AGBL4: variants seen among roughly 807,000 people sequenced by gnomAD.
AGBL4 encodes AGBL carboxypeptidase 4.
Under a neutral mutation model 66.4 loss-of-function variants are expected in AGBL4, and 58 were observed. The observed-to-expected ratio is 0.87, with a 90% CI of 0.71 to 1.09. The LOEUF is 1.09. Ranked by LOEUF, AGBL4 falls within the 50% of genes least tolerant of loss-of-function variation. AGBL4 has a pLI of 0.00. For missense variants in AGBL4, 579 were observed against 631.0 expected (o/e 0.92, Z 0.88); for synonymous variants, 234 against 222.9 (o/e 1.05, Z -0.44).
intron 4 of AGBL4, among the ~76,000 whole-genome samples, chr1:49,071,984 T>A (rs1644614240): frequency 6.6e-6 from 1 of 152,210 alleles, no homozygotes; most frequent in African/African-American, 2.4e-5. Flanking sequence ...AATTGATCCC[T>A]TTACCATTAT....
At chr1:49,137,568 A>G (rs1646035871) in intron 4 of AGBL4, among the ~76,000 whole-genome samples, 1 of 152,176 alleles carries the variant, frequency 6.6e-6, no homozygotes, top group South Asian at 2.1e-4. Context: ...AATACTTATG[A>G]TCTGCCAATA....
In AGBL4 at chr1:48,977,032, A is replaced by G. The variant is rs572592281; in HGVS notation, c.594+68552T>C. ...TGTTTTCTACAGTGTCCCTAAACCA[A>G]TACTGTCCCTAGTGTGCCTGGCACA... is the stretch of plus-strand genomic sequence containing the variant. On this transcript the variant is annotated intron_variant, in intron 5 of 13. Transcript: ENST00000371839. 3.6e-3 allele frequency among the ~76,000 whole-genome samples: 555 copies of G among 152,202 alleles called. 3 individuals are homozygous for G. The highest frequency in any genetic ancestry group is 0.013 in the African/African-American group (539 of 41,528).
In AGBL4 at chr1:48,675,814, T is replaced by C. The variant is rs560038745; in HGVS notation, c.635-12573A>G. 2.6e-5 allele frequency among the ~76,000 whole-genome samples: 4 copies of C among 152,346 alleles called. No individual in the cohort carries two copies. In the East Asian group the frequency reaches 7.7e-4, roughly 29 times the overall value. Reference sequence around the variant, plus strand: ...AAGTGATTTGACCAAGGTCTCACAGTGAACTGGATTTTTACATGTTAGATC... The same window carrying C: ...AAGTGATTTGACCAAGGTCTCACAGCGAACTGGATTTTTACATGTTAGATC... On this transcript the variant is annotated intron_variant, in intron 6 of 13. Transcript: ENST00000371839.
At chr1:49,881,746 C>G (rs1023007154) in intron 1 of AGBL4, among the ~76,000 whole-genome samples, 4 of 150,932 alleles carry the variant, frequency 2.7e-5, no homozygotes, top group Non-Finnish European at 4.4e-5. Context: ...TTGTTTTTTC[C>G]TTGTAAATTT....
At chr1:48,638,185 T>C (rs1645698202) in intron 8 of AGBL4, among the ~76,000 whole-genome samples, 1 of 152,190 alleles carries the variant, frequency 6.6e-6, no homozygotes, top group Non-Finnish European at 1.5e-5. Flanking sequence ...AAAATTCTTC[T>C]TTCCTTTTTA....
chr1:49,539,120 A>G (rs1651819490), intron 3 of AGBL4, among the ~76,000 whole-genome samples: 1 of 152,194 alleles, frequency 6.6e-6, no homozygotes, highest in Non-Finnish European at 1.5e-5. Flanking sequence ...TATGTAGTAT[A>G]TTTATTGATA....
Position 49,152,625 on chromosome 1 carries a change from G to T in AGBL4, c.377+93145C>A, listed in dbSNP as rs139186036. On this transcript the variant is annotated intron_variant, in intron 4 of 13. Transcript: ENST00000371839. ...CCTTAGAAGAGGTATTTAGCAGATG[G>T]GGTGAAAATGTTCATGCACAAATCA... Among the ~76,000 whole-genome samples the T allele has an allele frequency of 1.4e-3, 215 of 152,250 alleles. 1 individual carries two copies. The highest frequency in any genetic ancestry group is 4.9e-3 in the African/African-American group (205 of 41,548).
chr1:49,440,764 G>A (rs148037909), intron 3 of AGBL4, among the ~76,000 whole-genome samples: 20 of 152,264 alleles, frequency 1.3e-4, no homozygotes, highest in Non-Finnish European at 2.4e-4. Flanking sequence ...AAAGGTGCAC[G>A]TACAGCCTCG....
chr1:49,835,022 A>AT (rs1283915150), intron 2 of AGBL4, among the ~76,000 whole-genome samples: 1 of 152,078 alleles, frequency 6.6e-6, no homozygotes, highest in African/African-American at 2.4e-5. Context: ...CAAGTGTGAT[A>AT]TGGTGCTGAG....
At chr1:49,513,816 C>T (rs1649497701) in intron 3 of AGBL4, among the ~76,000 whole-genome samples, 1 of 151,956 alleles carries the variant, frequency 6.6e-6, no homozygotes, top group African/African-American at 2.4e-5. Context: ...GCTTGACTGA[C>T]AAATTAATCA....
intron 2 of AGBL4, among the ~76,000 whole-genome samples, chr1:49,725,433 A>G (rs1648944021): frequency 6.6e-6 from 1 of 152,144 alleles, no homozygotes; most frequent in Non-Finnish European, 1.5e-5. Flanking sequence ...AACAGTAAGT[A>G]TTTATTCTCA....
At chr1:48,744,637 C>T (rs1650442724) in intron 6 of AGBL4, among the ~76,000 whole-genome samples, 1 of 152,190 alleles carries the variant, frequency 6.6e-6, no homozygotes. Flanking sequence ...GAATCCAGTA[C>T]AGCCGTAACT....
intron 3 of AGBL4, among the ~76,000 whole-genome samples, chr1:49,602,770 C>A (rs930139365): frequency 1.3e-5 from 2 of 151,284 alleles, no homozygotes; most frequent in African/African-American, 4.9e-5. Flanking sequence ...CACATATATA[C>A]CTATGTAACA....
At chr1:49,009,759 C>G (rs1302051751) in intron 5 of AGBL4, among the ~76,000 whole-genome samples, 1 of 151,642 alleles carries the variant, frequency 6.6e-6, no homozygotes, top group African/African-American at 2.4e-5. Context: ...AGCATATAAA[C>G]AGAGCCAAAG....
intron 6 of AGBL4, among the ~76,000 whole-genome samples, chr1:48,675,648 G>A (rs1437951926): frequency 6.6e-6 from 1 of 152,186 alleles, no homozygotes; most frequent in Admixed American, 6.5e-5. Context: ...TTTTGTTCCA[G>A]TGAGGAGGAT....
chr1:49,234,069 G>T (rs1650530563), intron 4 of AGBL4, among the ~76,000 whole-genome samples: 1 of 152,160 alleles, frequency 6.6e-6, no homozygotes, highest in South Asian at 2.1e-4. Flanking sequence ...AGTCAGTCTG[G>T]GTTCCTGAAT....
In AGBL4 at chr1:48,780,671, T is replaced by A. The variant is rs112292065; in HGVS notation, c.634+86520A>T. Among the ~76,000 whole-genome samples the A allele has an allele frequency of 3.1e-3, 477 of 152,190 alleles. 2 individuals are homozygous for A. The highest frequency in any genetic ancestry group is 0.01 in the African/African-American group (425 of 41,522). On this transcript the variant is annotated intron_variant, in intron 6 of 13. Transcript: ENST00000371839. Reference sequence around the variant, plus strand: ...TTGACAAACCTGACAAAAACAAGCATTGGGGAAAGGATTCCCTGTTTAATA... The same window carrying A: ...TTGACAAACCTGACAAAAACAAGCAATGGGGAAAGGATTCCCTGTTTAATA...
intron 3 of AGBL4, among the ~76,000 whole-genome samples, chr1:49,555,674 A>C (rs1653379977): frequency 6.6e-6 from 1 of 150,972 alleles, no homozygotes; most frequent in Non-Finnish European, 1.5e-5. Flanking sequence ...AAGAACTCAA[A>C]CAAATTTACA....
At chr1:49,010,495 C>T (rs901414301) in intron 5 of AGBL4, among the ~76,000 whole-genome samples, 7 of 138,572 alleles carry the variant, frequency 5.1e-5, no homozygotes, top group African/African-American at 2.0e-4. Flanking sequence ...CATCAAGCTA[C>T]CAATGCCTTT....
Sources: allele counts gnomAD v4.1 joint callset (sites outside exome capture counted in the v4.1 genomes callset), GRCh38; gene constraint gnomAD v4.1.1; transcripts MANE v1.5; gene names NCBI Gene and HGNC (gene_info 2026-07-23, HGNC 2026-07-21).